C21orf58: variants seen among roughly 807,000 people sequenced by gnomAD.
C21orf58 encodes the protein chromosome 21 open reading frame 58, also known as uncharacterized protein C21orf58.
A neutral mutation model predicts 35.8 loss-of-function variants in C21orf58; 34 were observed. The observed-to-expected ratio is 0.95, with a 90% CI of 0.72 to 1.26. C21orf58 has a LOEUF of 1.26. Ranked by LOEUF, C21orf58 falls within the 50% of genes most tolerant of loss-of-function variation. The probability of loss-of-function intolerance (pLI) is 0.00; values close to 1 mark genes in which losing one functional copy is unlikely to be tolerated. For synonymous variants in C21orf58, 191 were observed against 175.8 expected (o/e 1.09, Z -0.68); for missense variants, 440 against 414.3 (o/e 1.06, Z -0.54).
rs1464328914 is a variant in C21orf58 at position 46,301,942 on chromosome 21, G to A, written c.*57C>T. 6.9e-7 allele frequency: 1 copy of A among 1,452,732 alleles called. No homozygotes were observed. Among genetic ancestry groups the A allele is most frequent in the African/African-American group, 1.4e-5 (1 of 69,704 alleles). 90.0% of individuals were successfully genotyped at this position (1,452,732 alleles called of 1,614,324 possible). On this transcript the variant is annotated 3_prime_UTR_variant, in exon 8 of 8. Coordinates refer to ENST00000291691, the MANE Select transcript of C21orf58 (RefSeq NM_058180.5). Reference sequence around the variant, plus strand: ...TTCCATAGTCCCGCCACAGCCCACAGCCCTGAGGAAGCCTGGGGGTGGAGG... The same window carrying A: ...TTCCATAGTCCCGCCACAGCCCACAACCCTGAGGAAGCCTGGGGGTGGAGG...
intron 4 of C21orf58, 134 bp downstream of exon 4, chr21:46,315,340 G>A (rs1206411106): frequency 1.4e-5 from 9 of 660,412 alleles, no homozygotes; most frequent in Non-Finnish European, 1.6e-5. Flanking sequence ...AGCTAACAGT[G>A]TCCTTGCTGG....
intron 1 of C21orf58, chr21:46,318,907 A>G (rs1299772445): frequency 9.3e-6 from 9 of 967,384 alleles, no homozygotes; most frequent in Non-Finnish European, 1.1e-5. Context: ...GAGTTAGTCA[A>G]TCCCACTAGC....
At position 46,301,135 on chromosome 21, in the gene C21orf58, T is replaced by G. The variant is rs2082092797; in HGVS notation, c.*864A>C. ...GGGATCACGTCATACACAGCTTGCT[T>G]CTTTCACTTTTTTATTTTATTTTTG... On this transcript the variant is annotated 3_prime_UTR_variant, in exon 8 of 8. Coordinates refer to ENST00000291691, the MANE Select transcript of C21orf58 (RefSeq NM_058180.5). The G allele has an allele frequency of 4.3e-6, 4 of 930,238 alleles. No individual in the cohort carries two copies. The highest frequency in any genetic ancestry group is 4.9e-6 in the Non-Finnish European group (4 of 808,544). The allele number at this position is 930,238 out of a possible 1,614,324, so 57.6% of individuals were successfully genotyped here.
chr21:46,303,504 G>A (rs1378518621), intron 6 of C21orf58, among the ~76,000 whole-genome samples: 1 of 151,094 alleles, frequency 6.6e-6, no homozygotes, highest in Non-Finnish European at 1.5e-5. Flanking sequence ...CAGGCAACCT[G>A]AAAGAAAAAT....
chr21:46,307,488 G>A (rs56107738), intron 6 of C21orf58, among the ~76,000 whole-genome samples: 35,565 of 152,042 alleles, frequency 0.23, 4,716 homozygotes, highest in Middle Eastern at 0.34. Context: ...TTTAGCACCT[G>A]ACAGACTATC....
intron 6 of C21orf58, among the ~76,000 whole-genome samples, chr21:46,303,170 A>G (rs931098414): frequency 3.3e-5 from 5 of 151,870 alleles, no homozygotes; most frequent in Admixed American, 6.6e-5. Flanking sequence ...GTCTCAAGAA[A>G]AAAAAAAAAT....
In C21orf58 at chr21:46,301,445, C is replaced by G; in HGVS notation, c.*554G>C. 4 of 976,964 alleles carry G rather than the reference C, an allele frequency of 4.1e-6. No individual in the cohort carries two copies. Among genetic ancestry groups the G allele is most frequent in the Non-Finnish European group, 4.9e-6 (4 of 824,280 alleles). 60.5% of individuals were successfully genotyped at this position (976,964 alleles called of 1,614,324 possible). A position where few individuals can be genotyped will look rare whatever the true frequency, so the allele number is the denominator to read the frequency against. Reference sequence around the variant, plus strand: ...TACAGGCATGAGCCATGCACCCCTACTTCTTTAGTGGGAGTCTGTGCCACA... The same window carrying G: ...TACAGGCATGAGCCATGCACCCCTAGTTCTTTAGTGGGAGTCTGTGCCACA... On this transcript the variant is annotated 3_prime_UTR_variant, in exon 8 of 8. Coordinates refer to ENST00000291691, the MANE Select transcript of C21orf58 (RefSeq NM_058180.5).
chr21:46,301,685 C>G lies in C21orf58; in HGVS notation c.*314G>C. On this transcript the variant is annotated 3_prime_UTR_variant, in exon 8 of 8. Transcript: ENST00000291691. ...TACCTCCGTGATGGAAGAGGGGGAT[C>G]TGAGGCTCCCAGGTGGGCCGGCGCC... is the stretch of plus-strand genomic sequence containing the variant. 1 of 1,147,896 alleles carries G rather than the reference C, an allele frequency of 8.7e-7. No homozygotes were observed. Among genetic ancestry groups the G allele is most frequent in the Non-Finnish European group, 1.1e-6 (1 of 934,240 alleles). 71.1% of individuals were successfully genotyped at this position (1,147,896 alleles called of 1,614,324 possible). A position where few individuals can be genotyped will look rare whatever the true frequency, so the allele number is the denominator to read the frequency against.
intron 6 of C21orf58, among the ~76,000 whole-genome samples, chr21:46,303,487 A>C (rs1256139776): frequency 6.6e-6 from 1 of 151,684 alleles, no homozygotes; most frequent in East Asian, 1.9e-4. Flanking sequence ...GAAACCAATA[A>C]GGGAGGCAGG....
chr21:46,303,734 TATATATATA>T (rs1569116404), intron 6 of C21orf58, among the ~76,000 whole-genome samples: 20 of 25,814 alleles, frequency 7.7e-4, no homozygotes, highest in Non-Finnish European at 1.3e-3. Context: ...TATATATATA[TATATATATA>T]TATTTTTTTT....
In C21orf58 at chr21:46,301,579, C is replaced by T; in HGVS notation, c.*420G>A. ...AAGCTATTGATCTTTTCTGTTCTGG[C>T]TCCTGAGCTGAGATTTTCTTAAACT... On this transcript the variant is annotated 3_prime_UTR_variant, in exon 8 of 8. Transcript: ENST00000291691. 1 of 997,614 alleles carries T rather than the reference C, an allele frequency of 1.0e-6. No individual in the cohort carries two copies. The highest frequency in any genetic ancestry group is 1.2e-6 in the Non-Finnish European group (1 of 838,366). 61.8% of individuals were successfully genotyped at this position (997,614 alleles called of 1,614,324 possible).
In C21orf58 at chr21:46,323,815, C is replaced by G. The variant is rs1247727611; in HGVS notation, c.-1077G>C. ...CCTGCAGGGAGCCCGGCCCGCTGTC[C>G]TGGTGGACACAAAGCCCAGGGGCCG... On this transcript the variant is annotated 5_prime_UTR_variant, in exon 1 of 8. Transcript: ENST00000291691. 1 of 335,222 alleles carries G rather than the reference C, an allele frequency of 3.0e-6. No homozygotes were observed. The highest frequency in any genetic ancestry group is 2.2e-5 in the African/African-American group (1 of 44,584). The allele number at this position is 335,222 out of a possible 1,614,324, so 20.8% of individuals were successfully genotyped here.
At chr21:46,312,063 C>A (rs2082751894) in intron 5 of C21orf58, among the ~76,000 whole-genome samples, 1 of 150,530 alleles carries the variant, frequency 6.6e-6, no homozygotes, top group Non-Finnish European at 1.5e-5. Flanking sequence ...AACCAACCAC[C>A]CACCCATCCA....
At chr21:46,321,427 T>C (rs1472880570) in intron 1 of C21orf58, among the ~76,000 whole-genome samples, 1 of 152,218 alleles carries the variant, frequency 6.6e-6, no homozygotes, top group African/African-American at 2.4e-5. Context: ...ACTTTGACAG[T>C]TTCCTTAGGT....
intron 1 of C21orf58, chr21:46,320,942 T>G (rs1763364484): frequency 6.6e-6 from 1 of 152,240 alleles, no homozygotes; most frequent in Non-Finnish European, 1.5e-5. Flanking sequence ...CAGCTGTGAC[T>G]GCCAAGTGAA....
intron 7 of C21orf58, 35 bp downstream of exon 7, chr21:46,302,450 C>G: frequency 4.6e-6 from 7 of 1,509,140 alleles, no homozygotes; most frequent in Non-Finnish European, 6.4e-6. Flanking sequence ...GGCCCTGTTT[C>G]CTTGGCCTAG....
At chr21:46,312,248 C>T (rs557200561) in intron 5 of C21orf58, among the ~76,000 whole-genome samples, 2 of 152,264 alleles carry the variant, frequency 1.3e-5, no homozygotes, top group South Asian at 4.1e-4. Context: ...CATTTCCTGT[C>T]TTTAGCGGGG....
chr21:46,318,570 C>T, intron 1 of C21orf58: 2 of 1,193,286 alleles, frequency 1.7e-6, no homozygotes, highest in Non-Finnish European at 2.1e-6. Context: ...CTGTGTACTG[C>T]CTCCAGGGTG....
At chr21:46,312,148 T>C (rs1470166480) in intron 5 of C21orf58, among the ~76,000 whole-genome samples, 1 of 152,070 alleles carries the variant, frequency 6.6e-6, no homozygotes, top group Non-Finnish European at 1.5e-5. Flanking sequence ...GAACTTTAAA[T>C]GATTAACCCC....
Sources: gnomAD v4.1 joint callset for allele counts (sites outside exome capture counted in the v4.1 genomes callset) on GRCh38, gnomAD v4.1.1 for gene constraint, MANE v1.5 for transcripts, NCBI Gene and HGNC (gene_info 2026-07-23, HGNC 2026-07-21) for gene names.